The following APP variants were observed in gnomAD, a reference collection of about 807,000 sequenced individuals.
APP encodes the protein amyloid-beta precursor protein.
APP carries 31 observed loss-of-function variants against 101.4 expected under a neutral mutation model. The ratio of observed to expected loss-of-function variants is 0.31; its 90% CI spans 0.23 to 0.41. The LOEUF is 0.41. APP is among the 10% of genes least tolerant of loss of function. The pLI is 1.00. For missense variants in APP, 839 were observed against 1,003.7 expected, an observed-to-expected ratio of 0.84 and a Z score of 2.22; for synonymous variants, 366 against 364.4, an observed-to-expected ratio of 1.00 and a Z score of -0.05.
intron 11 of APP, among the ~76,000 whole-genome samples, chr21:25,958,785 C>A (rs1569107123): frequency 6.6e-6 from 1 of 152,116 alleles, no homozygotes; most frequent in Non-Finnish European, 1.5e-5. Context: ...AATCATCGAC[C>A]CCTTTCTTTC....
At chr21:26,039,456 G>T (rs2045275329) in intron 5 of APP, among the ~76,000 whole-genome samples, 1 of 152,176 alleles carries the variant, frequency 6.6e-6, no homozygotes, top group Admixed American at 6.5e-5. Context: ...TATACTGCTT[G>T]AATTACTATT....
chr21:26,146,072 G>T (rs925540727), intron 1 of APP, among the ~76,000 whole-genome samples: 2 of 152,186 alleles, frequency 1.3e-5, no homozygotes, highest in Non-Finnish European at 2.9e-5. Context: ...AAAAATTTCT[G>T]TACCAGCTGC....
chr21:26,063,083 C>T (rs571305858), intron 3 of APP, among the ~76,000 whole-genome samples: 5 of 152,156 alleles, frequency 3.3e-5, no homozygotes, highest in East Asian at 1.9e-4. Context: ...AATTCTGATA[C>T]GGCTACGCAC....
intron 5 of APP, among the ~76,000 whole-genome samples, chr21:26,025,660 C>T (rs116497818): frequency 0.016 from 2,405 of 152,198 alleles, 62 homozygotes; most frequent in African/African-American, 0.055. Flanking sequence ...TGTGTCTAGC[C>T]GTGAAAAAGA....
At chr21:26,129,743 G>A (rs754513134) in intron 1 of APP, among the ~76,000 whole-genome samples, 9 of 152,168 alleles carry the variant, frequency 5.9e-5, no homozygotes, top group South Asian at 2.1e-4. Flanking sequence ...GCCCACACCC[G>A]AGGGGAGAAA....
intron 1 of APP, among the ~76,000 whole-genome samples, chr21:26,167,902 C>A (rs1206858355): frequency 3.9e-5 from 6 of 152,130 alleles, no homozygotes; most frequent in Admixed American, 6.5e-5. Flanking sequence ...TAGCAAGAAC[C>A]GTGACTCCTT....
chr21:25,921,522 G>A (rs370971389), intron 13 of APP, among the ~76,000 whole-genome samples: 6 of 148,390 alleles, frequency 4.0e-5, no homozygotes, highest in South Asian at 2.1e-4. Context: ...AAATAGACAC[G>A]ATAAAAAATG....
chr21:25,885,331 G>C lies in APP; in HGVS notation c.2212-3560C>G, dbSNP rs115114433. Among the ~76,000 whole-genome samples the C allele has an allele frequency of 9.7e-3, 1,480 of 152,320 alleles. 26 individuals are homozygous for C. Among genetic ancestry groups the C allele is most frequent in the African/African-American group, 0.034 (1,418 of 41,556 alleles). ...CAGTGGCATGGGCCACCATGTGAAG[G>C]CCAGCCCTACCACGACCCTGTGCAG... On this transcript the variant is annotated intron_variant, in intron 17 of 17. Coordinates refer to ENST00000346798, the MANE Select transcript of APP (RefSeq NM_000484.4).
intron 3 of APP, among the ~76,000 whole-genome samples, chr21:26,070,976 T>C (rs2061401690): frequency 6.6e-6 from 1 of 152,174 alleles, no homozygotes; most frequent in African/African-American, 2.4e-5. Context: ...TCTGCTTGAC[T>C]GAATTTTATA....
intron 6 of APP, among the ~76,000 whole-genome samples, chr21:26,004,089 T>C (rs937804257): frequency 2.0e-5 from 3 of 152,150 alleles, no homozygotes; most frequent in Admixed American, 2.0e-4. Flanking sequence ...ACCAGCGATG[T>C]ATGATGCTAA....
In APP at chr21:25,888,074, C is replaced by T. The variant is rs185378514; in HGVS notation, c.2211+3648G>A. On this transcript the variant is annotated intron_variant, in intron 17 of 17. Transcript: ENST00000346798. The stretch of plus-strand genomic sequence containing the variant: ...GCTTTCATCATGACTTCTTCAGGCA[C>T]GATGGTATGTAAGTACAATGGTATT... Among the ~76,000 whole-genome samples the T allele has an allele frequency of 5.1e-4, 78 of 152,130 alleles. 1 individual carries two copies. The highest frequency in any genetic ancestry group is 2.9e-3 in the South Asian group (14 of 4,808).
rs369067116 is a variant in APP, at chr21:26,125,346, ACAACT to A, written c.58-13205_58-13201del. On this transcript the variant is annotated intron_variant, in intron 1 of 17. Coordinates refer to ENST00000346798, the MANE Select transcript of APP (RefSeq NM_000484.4). ...TAGGGCTCTGTTGATTGGTATAAAG[ACAACT>A]CTAAGTCAGGCTGGATTCATTATTG... Among the ~76,000 whole-genome samples the A allele has an allele frequency of 9.3e-4, 142 of 152,314 alleles. 2 individuals carry two copies. Among genetic ancestry groups the A allele is most frequent in the African/African-American group, 3.3e-3 (137 of 41,568 alleles).
rs373113016 is a variant in APP at position 26,136,167 on chromosome 21, A to G, written c.58-24021T>C. The stretch of plus-strand genomic sequence containing the variant: ...AAGAAAAGAAAAGAAAAGAAAAGAA[A>G]GAAAAGAAAGAAAGAAAGAAAGAAA... On this transcript the variant is annotated intron_variant, in intron 1 of 17. Transcript: ENST00000346798. 2.1e-3 allele frequency among the ~76,000 whole-genome samples: 106 copies of G among 50,334 alleles called. 1 individual carries two copies. The highest frequency in any genetic ancestry group is 8.2e-3 in the Middle Eastern group (1 of 122). 33.0% of individuals were successfully genotyped at this position (50,334 alleles called of 152,430 possible). A position where few individuals can be genotyped will look rare whatever the true frequency, so the allele number is the denominator to read the frequency against.
chr21:25,905,593 G>T (rs1003708564), intron 14 of APP, among the ~76,000 whole-genome samples: 22 of 152,176 alleles, frequency 1.4e-4, no homozygotes, highest in Admixed American at 1.3e-3. Context: ...GCCATTTAGT[G>T]AGTGAATCAA....
intron 3 of APP, among the ~76,000 whole-genome samples, chr21:26,079,081 C>T (rs1371913806): frequency 6.7e-6 from 1 of 149,574 alleles, no homozygotes; most frequent in Non-Finnish European, 1.5e-5. Context: ...AAGACAATAT[C>T]TCAAGATTTT....
At chr21:26,101,047 G>C (rs2062043815) in intron 2 of APP, among the ~76,000 whole-genome samples, 1 of 145,958 alleles carries the variant, frequency 6.9e-6, no homozygotes, top group Non-Finnish European at 1.5e-5. Context: ...GTTATTAAAA[G>C]AATAGAGAGG....
At chr21:26,151,692 C>A (rs553661975) in intron 1 of APP, among the ~76,000 whole-genome samples, 19 of 152,230 alleles carry the variant, frequency 1.2e-4, no homozygotes, top group African/African-American at 4.6e-4. Flanking sequence ...TTCTTACATG[C>A]GGTTCACAAT....
chr21:26,062,206 T>C (rs2046292020), intron 3 of APP, among the ~76,000 whole-genome samples: 1 of 139,012 alleles, frequency 7.2e-6, no homozygotes, highest in South Asian at 2.5e-4. Flanking sequence ...CGAGACTCTG[T>C]CTCAAAAAAC....
intron 17 of APP, among the ~76,000 whole-genome samples, chr21:25,882,212 G>A (rs956539010): frequency 6.6e-6 from 1 of 151,568 alleles, no homozygotes; most frequent in Non-Finnish European, 1.5e-5. Context: ...TGTATCTTGG[G>A]TGACACTCAA....
Sources: gnomAD v4.1 joint callset for allele counts (sites outside exome capture counted in the v4.1 genomes callset) on GRCh38, gnomAD v4.1.1 for gene constraint, MANE v1.5 for transcripts, NCBI Gene and HGNC (gene_info 2026-07-23, HGNC 2026-07-21) for gene names.